Variants in AKAP13 observed in about 807,000 individuals in gnomAD.
AKAP13 encodes the protein A-kinase anchoring protein 13, also known as A-kinase anchor protein 13.
A neutral mutation model predicts 264.5 loss-of-function variants in AKAP13; 80 were observed. The observed-to-expected ratio is 0.30, with a 90% confidence interval of 0.25 to 0.36. The LOEUF (loss-of-function observed/expected upper bound fraction) is 0.36. AKAP13 is among the 10% of genes least tolerant of loss of function. The pLI is 1.00. For missense variants in AKAP13, 3,712 were observed against 3,435.2 expected, an observed-to-expected ratio of 1.08 and a Z score of -2.01; for synonymous variants, 1,380 against 1,250.2, an observed-to-expected ratio of 1.10 and a Z score of -2.19.
intron 17 of AKAP13, among the ~76,000 whole-genome samples, chr15:85,703,834 C>T (rs2086068302): frequency 2.0e-5 from 2 of 98,732 alleles, no homozygotes; most frequent in African/African-American, 3.1e-5. Flanking sequence ...CAGAGCAAGA[C>T]TCCATCTCAA....
chr15:85,704,684 A>G (rs1201559285), intron 17 of AKAP13, among the ~76,000 whole-genome samples: 1 of 152,246 alleles, frequency 6.6e-6, no homozygotes, highest in Non-Finnish European at 1.5e-5. Flanking sequence ...GCCTACTGCT[A>G]TTAGGAAATC....
At chr15:85,500,325 T>C (rs958691406) in intron 2 of AKAP13, among the ~76,000 whole-genome samples, 2 of 152,228 alleles carry the variant, frequency 1.3e-5, no homozygotes, top group African/African-American at 4.8e-5. Context: ...CTGTGTTTGC[T>C]TCTTACTACA....
At chr15:85,463,023 CAAA>C (rs35565608) in intron 1 of AKAP13, among the ~76,000 whole-genome samples, 42 of 65,170 alleles carry the variant, frequency 6.4e-4, no homozygotes, top group Admixed American at 3.1e-3. Flanking sequence ...GACTCCGTCT[CAAA>C]AAAAAAAAAA....
chr15:85,566,040 C>T (rs1344199741), intron 5 of AKAP13, among the ~76,000 whole-genome samples: 1 of 152,160 alleles, frequency 6.6e-6, no homozygotes, highest in Non-Finnish European at 1.5e-5. Context: ...TGCATGGTAA[C>T]ATTAAGTTAG....
chr15:85,514,510 G>C (rs138031175), intron 2 of AKAP13, among the ~76,000 whole-genome samples: 1 of 137,488 alleles, frequency 7.3e-6, no homozygotes, highest in South Asian at 2.2e-4. Flanking sequence ...CCTGGAATCA[G>C]CCAAGTCTCT....
At chr15:85,577,935 T>C (rs1041693317) in intron 6 of AKAP13, 1 of 597,760 alleles carries the variant, frequency 1.7e-6, no homozygotes, top group African/African-American at 2.0e-5. Flanking sequence ...AGGATTTGTT[T>C]TTACTTGTAT....
chr15:85,704,185 A>G (rs1022275071), intron 17 of AKAP13, among the ~76,000 whole-genome samples: 3 of 152,160 alleles, frequency 2.0e-5, no homozygotes, highest in Non-Finnish European at 2.9e-5. Context: ...TTCCCAAGTG[A>G]TGATCAATGA....
chr15:85,471,840 C>T (rs1466008020), intron 1 of AKAP13, among the ~76,000 whole-genome samples: 3 of 152,142 alleles, frequency 2.0e-5, no homozygotes, highest in Non-Finnish European at 2.9e-5. Flanking sequence ...TATTTTAAGT[C>T]ATTTGCATTT....
intron 1 of AKAP13, among the ~76,000 whole-genome samples, chr15:85,425,901 G>GT (rs1398403935): frequency 6.6e-6 from 1 of 151,090 alleles, no homozygotes; most frequent in Non-Finnish European, 1.5e-5. Context: ...AACAAGATCG[G>GT]TTTAAAAAAA....
At chr15:85,710,436 G>A (rs1597138953) in intron 18 of AKAP13, 143 bp from the exon 19 acceptor site, 5 of 641,328 alleles carry the variant, frequency 7.8e-6, no homozygotes, top group South Asian at 2.2e-5. Flanking sequence ...AATTGGGGGC[G>A]ACCGTGGCTG....
intron 2 of AKAP13, among the ~76,000 whole-genome samples, chr15:85,503,232 A>T (rs931618099): frequency 6.6e-6 from 1 of 152,320 alleles, no homozygotes; most frequent in Admixed American, 6.5e-5. Flanking sequence ...ATATGGGATT[A>T]TAATAATTTC....
chr15:85,632,481 A>G (rs1443394037), intron 8 of AKAP13, among the ~76,000 whole-genome samples: 2 of 152,324 alleles, frequency 1.3e-5, no homozygotes, highest in African/African-American at 2.4e-5. Flanking sequence ...TGATATACAA[A>G]CAGTCTTGAA....
intron 8 of AKAP13, among the ~76,000 whole-genome samples, chr15:85,596,884 G>C (rs1202398527): frequency 6.6e-6 from 1 of 152,078 alleles, no homozygotes; most frequent in African/African-American, 2.4e-5. Flanking sequence ...AAGTACCTTG[G>C]GAGTGGCACA....
At chr15:85,607,595 A>G (rs961275034) in intron 8 of AKAP13, among the ~76,000 whole-genome samples, 3 of 152,172 alleles carry the variant, frequency 2.0e-5, no homozygotes, top group African/African-American at 4.8e-5. Context: ...TGCTAGCTTA[A>G]TAGAGTCACT....
intron 1 of AKAP13, among the ~76,000 whole-genome samples, chr15:85,393,493 G>C (rs2070964799): frequency 6.6e-6 from 1 of 152,238 alleles, no homozygotes; most frequent in Admixed American, 6.5e-5. Context: ...TGTATGTTTA[G>C]AGCATAGAAT....
intron 8 of AKAP13, among the ~76,000 whole-genome samples, chr15:85,590,391 G>C (rs2079536187): frequency 1.3e-5 from 2 of 152,186 alleles, no homozygotes; most frequent in African/African-American, 4.8e-5. Flanking sequence ...CTGAGTTCTT[G>C]TTTTCTTTAG....
intron 1 of AKAP13, among the ~76,000 whole-genome samples, chr15:85,423,758 C>CA (rs1378571776): frequency 2.0e-5 from 3 of 152,220 alleles, no homozygotes; most frequent in Non-Finnish European, 4.4e-5. Flanking sequence ...CCAGATTCAT[C>CA]AGAGGATGGA....
chr15:85,435,479 C>T (rs374100710), intron 1 of AKAP13, among the ~76,000 whole-genome samples: 2 of 92,020 alleles, frequency 2.2e-5, no homozygotes, highest in African/African-American at 9.0e-5. Flanking sequence ...CACAAAGATA[C>T]TCCTCGAGAA....
intron 5 of AKAP13, chr15:85,555,567 TG>T (rs2078113427): frequency 9.7e-7 from 1 of 1,026,478 alleles, no homozygotes; most frequent in African/African-American, 1.6e-5. Flanking sequence ...GGCTTTTTGC[TG>T]TAACTCAACC....
Sources: allele counts gnomAD v4.1 joint callset (sites outside exome capture counted in the v4.1 genomes callset), GRCh38; gene constraint gnomAD v4.1.1; transcripts MANE v1.5; gene names NCBI Gene and HGNC (gene_info 2026-07-23, HGNC 2026-07-21).